The following RIMOC1 variants were observed in gnomAD, a reference collection of about 807,000 sequenced individuals.
RIMOC1 encodes RAB7A interacting MON1-CCZ1 complex subunit 1, also known as RAB7A-interacting MON1-CCZ1 complex subunit 1.
At chr5:41,918,218 C>T in the RIMOC1 span, 7 of 985,746 alleles carry the variant, frequency 7.1e-6, no homozygotes, top group African/African-American at 1.2e-4. Context: ...TATTACATTC[C>T]AGCAGCTTAC....
the RIMOC1 span, among the ~76,000 whole-genome samples, chr5:41,912,838 C>T: frequency 1.4e-4 from 22 of 152,160 alleles, no homozygotes; most frequent in Non-Finnish European, 3.2e-4. Flanking sequence ...ATTATCAGTA[C>T]TAGATTTGGC....
the RIMOC1 span, chr5:41,904,485 AG>A: frequency 1.2e-6 from 2 of 1,611,170 alleles, no homozygotes; most frequent in African/African-American, 2.7e-5. Flanking sequence ...AGCGGAGGAG[AG>A]GGAGGCGGGC....
the RIMOC1 span, among the ~76,000 whole-genome samples, chr5:41,909,589 T>G: frequency 6.6e-6 from 1 of 152,148 alleles, no homozygotes; most frequent in African/African-American, 2.4e-5. Flanking sequence ...AAATTATATT[T>G]ACATCTAGAC....
At chr5:41,907,657 C>T in the RIMOC1 span, 2 of 760,944 alleles carry the variant, frequency 2.6e-6, no homozygotes, top group Non-Finnish European at 4.3e-6. Context: ...GTCATTTCAT[C>T]TTCATACATA....
the RIMOC1 span, chr5:41,920,533 A>C: frequency 6.6e-6 from 1 of 152,140 alleles, no homozygotes; most frequent in Non-Finnish European, 1.5e-5. Context: ...AAGTTAGACA[A>C]GCATTTTAAG....
the RIMOC1 span, chr5:41,918,854 G>A: frequency 1.3e-6 from 1 of 782,708 alleles, no homozygotes; most frequent in Non-Finnish European, 1.6e-6. Context: ...CATTTTAGAG[G>A]AAAAGAGGTT....
At chr5:41,918,489 C>T in the RIMOC1 span, 1 of 985,422 alleles carries the variant, frequency 1.0e-6, no homozygotes, top group Non-Finnish European at 1.2e-6. Context: ...ACTAATCTCA[C>T]CAGTTATTCT....
the RIMOC1 span, chr5:41,917,177 G>C: frequency 6.2e-7 from 1 of 1,613,830 alleles, no homozygotes. Context: ...GGATTTCCGA[G>C]AAGTAGGAGA....
chr5:41,910,826 G>T, the RIMOC1 span, among the ~76,000 whole-genome samples: 1 of 151,952 alleles, frequency 6.6e-6, no homozygotes, highest in East Asian at 1.9e-4. Context: ...AAATTATTTT[G>T]TAAAACTACT....
At chr5:41,917,296 C>G in the RIMOC1 span, 2 of 1,604,022 alleles carry the variant, frequency 1.2e-6, no homozygotes, top group South Asian at 2.2e-5. Flanking sequence ...ATCGCTGTAA[C>G]TAGTAAGTTC....
chr5:41,921,157 G>C, the RIMOC1 span: 2 of 152,542 alleles, frequency 1.3e-5, no homozygotes, highest in Non-Finnish European at 1.5e-5. Flanking sequence ...GGTGAGGGTC[G>C]TGGCTAAAAC....
chr5:41,910,809 A>G, the RIMOC1 span, among the ~76,000 whole-genome samples: 10 of 152,050 alleles, frequency 6.6e-5, no homozygotes, highest in Non-Finnish European at 1.5e-4. Context: ...TAGTAAAAAT[A>G]TTTTTTAAAT....
chr5:41,908,609 G>A, the RIMOC1 span, among the ~76,000 whole-genome samples: 1 of 152,126 alleles, frequency 6.6e-6, no homozygotes, highest in African/African-American at 2.4e-5. Context: ...CACCATGGAT[G>A]AGTAAGCCTA....
chr5:41,917,055 G>A, the RIMOC1 span: 7 of 1,612,782 alleles, frequency 4.3e-6, no homozygotes, highest in Non-Finnish European at 5.9e-6. Flanking sequence ...ATGATGTACA[G>A]TGGAGAAATG....
At chr5:41,918,180 G>C in the RIMOC1 span, 9 of 985,788 alleles carry the variant, frequency 9.1e-6, no homozygotes, top group Non-Finnish European at 1.1e-5. Context: ...ATACCTTGCT[G>C]ATACCTTGGA....
At chr5:41,904,443 C>T in the RIMOC1 span, 1 of 1,614,028 alleles carries the variant, frequency 6.2e-7, no homozygotes, top group Non-Finnish European at 8.5e-7. Context: ...CATACAGCAA[C>T]TTAGCGAAGC....
the RIMOC1 span, chr5:41,911,041 GT>G: frequency 6.2e-7 from 1 of 1,606,168 alleles, no homozygotes; most frequent in Non-Finnish European, 8.5e-7. Context: ...TTTTTTGTGT[GT>G]TTCAGCACTG....
chr5:41,907,068 A>G, the RIMOC1 span, among the ~76,000 whole-genome samples: 3 of 151,942 alleles, frequency 2.0e-5, no homozygotes, highest in Admixed American at 2.0e-4. Flanking sequence ...AGAGAAAGGG[A>G]AAAAAAATCA....
chr5:41,907,977 A>G, the RIMOC1 span: 1 of 631,434 alleles, frequency 1.6e-6, no homozygotes, highest in East Asian at 3.0e-5. Context: ...AAAACTATGA[A>G]TAAAACACAA....
Sources: allele counts gnomAD v4.1 joint callset (sites outside exome capture counted in the v4.1 genomes callset), GRCh38; gene constraint gnomAD v4.1.1; transcripts MANE v1.5; gene names NCBI Gene and HGNC (gene_info 2026-07-23, HGNC 2026-07-21).